HS2ST1: variants seen among roughly 807,000 people sequenced by gnomAD.
HS2ST1 encodes the protein heparan sulfate 2-O-sulfotransferase 1.
Under a neutral mutation model 42.9 loss-of-function variants are expected in HS2ST1, and 18 were observed. That is an observed-to-expected ratio of 0.42 (90% CI 0.29 to 0.62). The LOEUF is 0.62. HS2ST1 is among the 20% of genes least tolerant of loss of function. The pLI is 0.21. For synonymous variants in HS2ST1, 146 were observed against 152.9 expected, an observed-to-expected ratio of 0.95 and a Z score of 0.33; for missense variants, 334 against 433.8, an observed-to-expected ratio of 0.77 and a Z score of 2.04.
intron 1 of HS2ST1, among the ~76,000 whole-genome samples, chr1:87,007,328 A>G (rs1009660217): frequency 1.3e-5 from 2 of 152,080 alleles, no homozygotes; most frequent in Admixed American, 1.3e-4. Flanking sequence ...ATTTATCTTT[A>G]TATTTTGTGA....
chr1:86,927,738 A>C (rs916369624), intron 1 of HS2ST1, among the ~76,000 whole-genome samples: 8 of 152,110 alleles, frequency 5.3e-5, no homozygotes, highest in African/African-American at 1.9e-4. Context: ...GCAAGTGCAG[A>C]CTAACTCTTG....
chr1:86,985,056 A>G (rs1648715429), intron 1 of HS2ST1, among the ~76,000 whole-genome samples: 2 of 151,772 alleles, frequency 1.3e-5, no homozygotes, highest in East Asian at 2.0e-4. Context: ...AAACGTTTAT[A>G]TCCATTTATT....
At chr1:86,972,296 G>C (rs151004070) in intron 1 of HS2ST1, among the ~76,000 whole-genome samples, 2 of 152,268 alleles carry the variant, frequency 1.3e-5, no homozygotes, top group African/African-American at 4.8e-5. Flanking sequence ...TATTTTGAGA[G>C]GGAGAGAGAG....
chr1:87,052,057 A>AC (rs768507576), intron 1 of HS2ST1, among the ~76,000 whole-genome samples: 18 of 152,166 alleles, frequency 1.2e-4, no homozygotes, highest in South Asian at 6.2e-4. Context: ...GTTTGAGACC[A>AC]GCCTGGGCAA....
At chr1:87,011,198 A>G (rs942594843) in intron 1 of HS2ST1, among the ~76,000 whole-genome samples, 2 of 152,124 alleles carry the variant, frequency 1.3e-5, no homozygotes, top group Non-Finnish European at 2.9e-5. Context: ...CGTCAGTTCC[A>G]TTATGTTTTT....
rs149025715 is a variant in HS2ST1, at chr1:87,104,651, C to T, written c.1026C>T (p.Leu342=). 5.0e-6 allele frequency: 8 copies of T among 1,613,188 alleles called. No homozygotes were observed. The Middle Eastern group carries it at 6.6e-4, about 133-fold the overall frequency. ...AAAAAGATGGAGACCTCTACATCCT[C>T]GCACAAAACTTTTTCTATGAAAAGA... ...VREKDGDLYI[L]AQNFFYEKIY... The change falls in exon 7 of 7, where the codon CTC becomes CTT. Residue 342 remains leucine, a synonymous_variant. Coordinates refer to ENST00000370550, the MANE Select transcript of HS2ST1 (RefSeq NM_012262.4).
intron 1 of HS2ST1, among the ~76,000 whole-genome samples, chr1:87,011,257 A>G (rs2100578258): frequency 6.6e-6 from 1 of 151,056 alleles, no homozygotes; most frequent in African/African-American, 2.4e-5. Flanking sequence ...TTCCTCTGGC[A>G]TTCTTTTTAT....
At chr1:87,083,449 A>G (rs1453450929) in intron 2 of HS2ST1, among the ~76,000 whole-genome samples, 2 of 152,208 alleles carry the variant, frequency 1.3e-5, no homozygotes, top group African/African-American at 4.8e-5. Flanking sequence ...TCAAAAATGT[A>G]TACCATTTTC....
chr1:86,928,773 CA>C lies in HS2ST1; in HGVS notation c.124+13619del, dbSNP rs576086210. 6.6e-5 allele frequency among the ~76,000 whole-genome samples: 10 copies of C among 151,888 alleles called. No homozygotes were observed. In the South Asian group the frequency reaches 1.4e-3, roughly 22 times the overall value. On this transcript the variant is annotated intron_variant, in intron 1 of 6. Transcript: ENST00000370550. ...TTCCTTCCTACTTTGAAGGTTAAAACAAAAAAGCAAACAAAGTTGTGTGATG... is the reference window on the plus strand; with the variant it reads ...TTCCTTCCTACTTTGAAGGTTAAAACAAAAAGCAAACAAAGTTGTGTGATG...
chr1:87,007,712 C>T (rs2100575034), intron 1 of HS2ST1, among the ~76,000 whole-genome samples: 1 of 152,206 alleles, frequency 6.6e-6, no homozygotes. Context: ...ACAGTATTTG[C>T]AGTGTGACAT....
At chr1:87,081,937 A>G (rs1356456581) in intron 2 of HS2ST1, among the ~76,000 whole-genome samples, 8 of 150,148 alleles carry the variant, frequency 5.3e-5, no homozygotes, top group Admixed American at 3.3e-4. Flanking sequence ...TCGTGTCACT[A>G]CATTCCAGCC....
intron 1 of HS2ST1, among the ~76,000 whole-genome samples, chr1:86,951,470 A>G (rs942047497): frequency 6.6e-6 from 1 of 152,264 alleles, no homozygotes; most frequent in Non-Finnish European, 1.5e-5. Context: ...GCTGTAGTCT[A>G]TTAAGTGTGC....
chr1:86,919,504 C>T (rs1156917806), intron 1 of HS2ST1, among the ~76,000 whole-genome samples: 1 of 152,120 alleles, frequency 6.6e-6, no homozygotes, highest in Non-Finnish European at 1.5e-5. Context: ...CTCAGTAAAT[C>T]ATTTTTTCCA....
chr1:87,044,289 C>T (rs1349375285), intron 1 of HS2ST1, among the ~76,000 whole-genome samples: 1 of 152,036 alleles, frequency 6.6e-6, no homozygotes, highest in Non-Finnish European at 1.5e-5. Flanking sequence ...AATGCAGATG[C>T]CATTTATTTG....
At chr1:87,101,156 G>GTTTTTTT (rs1162453464) in intron 5 of HS2ST1, among the ~76,000 whole-genome samples, 82 of 91,126 alleles carry the variant, frequency 9.0e-4, no homozygotes, top group African/African-American at 1.1e-3. Context: ...TGTGTTTTTT[G>GTTTTTTT]TTTTTTTTTT....
intron 1 of HS2ST1, among the ~76,000 whole-genome samples, chr1:86,991,824 A>G (rs6576858): frequency 0.74 from 112,955 of 152,028 alleles, 43,219 homozygotes; most frequent in East Asian, 0.97. Context: ...TCACATTAAC[A>G]TATTAATAGA....
intron 3 of HS2ST1, 134 bp downstream of exon 3, chr1:87,084,413 A>G (rs1486675562): frequency 1.8e-6 from 1 of 555,402 alleles, no homozygotes; most frequent in Non-Finnish European, 3.1e-6. Context: ...TTAGATCTGT[A>G]ATTTAAATAT....
chr1:86,966,487 T>C (rs1648052098), intron 1 of HS2ST1, among the ~76,000 whole-genome samples: 1 of 152,262 alleles, frequency 6.6e-6, no homozygotes, highest in Admixed American at 6.5e-5. Flanking sequence ...CTTTTTTACT[T>C]TCTGAAACTT....
intron 1 of HS2ST1, among the ~76,000 whole-genome samples, chr1:87,015,151 T>A (rs1336155176): frequency 1.3e-5 from 2 of 152,008 alleles, no homozygotes; most frequent in African/African-American, 4.8e-5. Flanking sequence ...TGAGTTCAAG[T>A]GATTCTCCTG....
Sources: gnomAD v4.1 joint callset for allele counts (sites outside exome capture counted in the v4.1 genomes callset) on GRCh38, gnomAD v4.1.1 for gene constraint, MANE v1.5 for transcripts, NCBI Gene and HGNC (gene_info 2026-07-23, HGNC 2026-07-21) for gene names.